The following ADGRG4 variants were observed in gnomAD, a reference collection of about 807,000 sequenced individuals.
The protein encoded by ADGRG4 is G protein-coupled receptor 112.
A neutral mutation model predicts 126.2 loss-of-function variants in ADGRG4; 122 were observed. The observed-to-expected ratio is 0.97, with a 90% confidence interval of 0.83 to 1.12. The LOEUF (loss-of-function observed/expected upper bound fraction) is 1.12. ADGRG4 is among the 50% of genes most tolerant of loss of function. The pLI, the probability that ADGRG4 is intolerant of heterozygous loss-of-function variation, is 0.00. For missense variants in ADGRG4, 2,481 were observed against 2,251.8 expected, an observed-to-expected ratio of 1.10 and a Z score of -2.06; for synonymous variants, 943 against 838.7, an observed-to-expected ratio of 1.12 and a Z score of -2.15.
At position 136,349,617 on chromosome X, in the gene ADGRG4, G is replaced by A. The variant is rs547324925; in HGVS notation, c.5911G>A (p.Val1971Ile). ...LRAITSTLAD[V>I]KHTFEKMTTS... ...AGCTATCACTTCCACATTGGCTGAC[G>A]TTAAGCACACATTTGAGAAAATGAC... Residue 1971 changes from valine to isoleucine, a missense_variant, in exon 6 of 26, where the codon GTT (valine) becomes ATT (isoleucine). Transcript: ENST00000394143. 3.3e-5 allele frequency: 40 copies of A among 1,207,353 alleles called. No homozygotes were observed. In the African/African-American group the frequency reaches 3.5e-4, roughly 11 times the overall value.
chrX:136,344,298 C>A, intron 5 of ADGRG4, 94 bp from the exon 6 acceptor site: 1 of 559,682 alleles, frequency 1.8e-6, no homozygotes, highest in Non-Finnish European at 2.8e-6. Context: ...ATGATACTTT[C>A]TTACAAAATG....
At chrX:136,307,453 C>A (rs1261536107) in intron 3 of ADGRG4, among the ~76,000 whole-genome samples, 1 of 112,033 alleles carries the variant, frequency 8.9e-6, no homozygotes, top group African/African-American at 3.2e-5. Context: ...ATTTAGACAC[C>A]CCCTTACTTC....
chrX:136,345,646 A>G lies in ADGRG4; in HGVS notation c.1940A>G (p.His647Arg). Residue 647 changes from histidine (H) to arginine (R), a missense_variant, in exon 6 of 26, where the codon CAT becomes CGT. Physicochemically the swap from His to Arg is conservative, Grantham distance 29. Transcript: ENST00000394143. ...GPTSTTDEAA[H>R]LFSSNETIWT... The stretch of plus-strand genomic sequence containing the variant: ...ACATCCACAACTGATGAAGCTGCCC[A>G]TCTGTTCTCCAGCAATGAGACCATT... 1 of 1,211,204 alleles carries G rather than the reference A, an allele frequency of 8.3e-7. No homozygotes were observed. Among genetic ancestry groups the G allele is most frequent in the Non-Finnish European group, 1.1e-6 (1 of 895,019 alleles).
chrX:136,349,736 C>T lies in ADGRG4; in HGVS notation c.6030C>T (p.Leu2010=), dbSNP rs1355190822. 5.8e-6 allele frequency: 7 copies of T among 1,209,706 alleles called. No homozygotes were observed. The highest frequency in any genetic ancestry group is 7.8e-6 in the Non-Finnish European group (7 of 894,136). The change falls in exon 6 of 26, where the codon CTC becomes CTT. Residue 2010 remains leucine, a synonymous_variant. Transcript: ENST00000394143. ...CAAAGTCACCCATTCTGACATGGCT[C>T]TTATCTAGTCTCCCTTCTGGCTCCC... ...VISKSPILTW[L]LSSLPSGSPP... is the part of the protein sequence containing the mutation.
intron 4 of ADGRG4, among the ~76,000 whole-genome samples, chrX:136,319,142 A>G: frequency 8.9e-6 from 1 of 112,575 alleles, no homozygotes; most frequent in South Asian, 3.6e-4. Flanking sequence ...AGAGAACGCT[A>G]CTTGCCTGGC....
At chrX:136,332,408 T>G in intron 5 of ADGRG4, among the ~76,000 whole-genome samples, 1 of 102,329 alleles carries the variant, frequency 9.8e-6, no homozygotes, top group South Asian at 5.0e-4. Context: ...TCTATCGTTG[T>G]TGGACATTTG....
At chrX:136,356,973 G>C (rs2075097739) in intron 9 of ADGRG4, among the ~76,000 whole-genome samples, 1 of 112,208 alleles carries the variant, frequency 8.9e-6, no homozygotes, top group Non-Finnish European at 1.9e-5. Flanking sequence ...CTGCACTCCA[G>C]CCTAGGTGAT....
chrX:136,357,811 C>A, intron 10 of ADGRG4, 55 bp downstream of exon 10: 1 of 873,801 alleles, frequency 1.1e-6, no homozygotes, highest in Non-Finnish European at 1.7e-6. Flanking sequence ...TCTGATTTTC[C>A]TTCCATTTAA....
chrX:136,302,786 C>T (rs913206923), intron 1 of ADGRG4, among the ~76,000 whole-genome samples: 3 of 111,579 alleles, frequency 2.7e-5, no homozygotes, highest in South Asian at 3.8e-4. Context: ...GCATTTATTA[C>T]GTACCAGGTA....
chrX:136,337,492 G>T (rs1424448305), intron 5 of ADGRG4, among the ~76,000 whole-genome samples: 1 of 112,245 alleles, frequency 8.9e-6, no homozygotes, highest in Non-Finnish European at 1.9e-5. Flanking sequence ...AGATAGGTCT[G>T]CCAGTGACAA....
At chrX:136,400,222 C>A (rs1793127535) in intron 21 of ADGRG4, 106 bp downstream of exon 21, 1 of 670,942 alleles carries the variant, frequency 1.5e-6, no homozygotes, top group African/African-American at 2.2e-5. Flanking sequence ...TTAAGGATCG[C>A]CTTGCTGGTG....
Position 136,348,135 on chromosome X carries a change from G to A in ADGRG4, c.4429G>A (p.Gly1477Ser), listed in dbSNP as rs1416531870. The A allele has an allele frequency of 3.3e-6, 4 of 1,209,744 alleles. No homozygotes were observed. Among genetic ancestry groups the A allele is most frequent in the South Asian group, 3.5e-5 (2 of 56,887 alleles). Residue 1477 changes from glycine (G) to serine (S), a missense_variant, in exon 6 of 26, where the codon GGT becomes AGT. Transcript: ENST00000394143. ...SLSTAGLYND[G>S]FTVLSDRITT... The stretch of plus-strand genomic sequence containing the variant: ...TTCCACAGCTGGACTATATAATGAC[G>A]GTTTTACAGTTCTCTCCGACAGGAT...
Position 136,351,970 on chromosome X carries a change from T to C in ADGRG4, c.6822+429T>C, listed in dbSNP as rs73637911. On this transcript the variant is annotated intron_variant, in intron 7 of 25. Coordinates refer to ENST00000394143, the MANE Select transcript of ADGRG4 (RefSeq NM_153834.4). ...AACACAATGAATGTTTTACTTATCCTTAATTTTTTCTTGATATGACTAATA... is the reference window on the plus strand; with the variant it reads ...AACACAATGAATGTTTTACTTATCCCTAATTTTTTCTTGATATGACTAATA... Among the ~76,000 whole-genome samples, 572 of 111,615 alleles carry C rather than the reference T, an allele frequency of 5.1e-3. 5 individuals carry two copies. The highest frequency in any genetic ancestry group is 0.018 in the African/African-American group (545 of 30,746).
At chrX:136,359,610 G>A (rs889819404) in intron 11 of ADGRG4, among the ~76,000 whole-genome samples, 155 bp downstream of exon 11, 1 of 109,195 alleles carries the variant, frequency 9.2e-6, no homozygotes, top group Non-Finnish European at 1.9e-5. Flanking sequence ...TTGATCTGAT[G>A]ACCTTTCTAC....
At position 136,371,353 on chromosome X, in the gene ADGRG4, T is replaced by C; in HGVS notation, c.7422T>C (p.His2474=). 1 of 1,193,402 alleles carries C rather than the reference T, an allele frequency of 8.4e-7. No homozygotes were observed. The highest frequency in any genetic ancestry group is 1.1e-6 in the Non-Finnish European group (1 of 884,294). The part of the protein sequence containing the change: ...SDENAEDVAE[H]ILNLINESPA... ...AGAATGCTGAGGATGTTGCAGAGCA[T>C]ATTTTAAATTTGATAAATGAATCCC... The change falls in exon 14 of 26, where the codon CAT becomes CAC. Residue 2474 remains histidine (H), a synonymous_variant. Coordinates refer to ENST00000394143, the MANE Select transcript of ADGRG4 (RefSeq NM_153834.4).
rs766057901 is a variant in ADGRG4, at chrX:136,349,483, A to G, written c.5777A>G (p.Gln1926Arg). 4 of 1,202,221 alleles carry G rather than the reference A, an allele frequency of 3.3e-6. No individual in the cohort carries two copies. Among genetic ancestry groups the G allele is most frequent in the Non-Finnish European group, 4.5e-6 (4 of 888,217 alleles). ...CCTTTGTCAACATTCACAGCCTCTCAGACTGGTCTAGTATCTAAAGATGTC... is the reference window on the plus strand; with the variant it reads ...CCTTTGTCAACATTCACAGCCTCTCGGACTGGTCTAGTATCTAAAGATGTC... ...PGPLSTFTASQTGLVSKDVMA... is the reference protein window; with the variant it reads ...PGPLSTFTASRTGLVSKDVMA... Residue 1926 changes from glutamine to arginine, a missense_variant, in exon 6 of 26, where the codon CAG becomes CGG. Gln to Arg is a conservative substitution (Grantham distance 43). Transcript: ENST00000394143.
chrX:136,325,204 C>A (rs1463890629), intron 5 of ADGRG4, among the ~76,000 whole-genome samples: 6 of 111,526 alleles, frequency 5.4e-5, no homozygotes, highest in Non-Finnish European at 1.1e-4. Context: ...CAGGAGGAAG[C>A]TGTTAGGAAA....
intron 13 of ADGRG4, among the ~76,000 whole-genome samples, chrX:136,364,215 G>C (rs1363286467): frequency 9.0e-6 from 1 of 111,038 alleles, no homozygotes; most frequent in Non-Finnish European, 1.9e-5. Flanking sequence ...AACAAAAAGA[G>C]TATGTGTAAA....
intron 4 of ADGRG4, among the ~76,000 whole-genome samples, chrX:136,317,056 A>C (rs1331041958): frequency 1.8e-5 from 2 of 111,706 alleles, no homozygotes; most frequent in African/African-American, 6.5e-5. Flanking sequence ...TGTGTCCATG[A>C]ACTTGGACTT....
Sources: allele counts gnomAD v4.1 joint callset (sites outside exome capture counted in the v4.1 genomes callset), GRCh38; gene constraint gnomAD v4.1.1; transcripts MANE v1.5; gene names NCBI Gene and HGNC (gene_info 2026-07-23, HGNC 2026-07-21).